Variants in RAB4A observed in about 807,000 individuals in gnomAD.
RAB4A encodes RAB4A, member RAS oncogene family, also known as ras-related protein Rab-4A.
In RAB4A, 20 loss-of-function variants were observed where a neutral mutation model predicts 34.5. That is an observed-to-expected ratio of 0.58 (90% CI 0.41 to 0.84). RAB4A has a LOEUF of 0.84. Ranked by LOEUF, RAB4A falls within the 40% of genes least tolerant of loss-of-function variation. RAB4A has a pLI of 0.00. For synonymous variants in RAB4A, 102 were observed against 100.0 expected, an observed-to-expected ratio of 1.02 and a Z score of -0.12; for missense variants, 228 against 274.5, an observed-to-expected ratio of 0.83 and a Z score of 1.20.
chr1:229,271,758 G>A lies in RAB4A; in HGVS notation c.31+388G>A, dbSNP rs557639274. Reference sequence around the variant, plus strand: ...TATTATCCCCAGCGAGCCTGTGAAGGGCTTAGGGCGACGCCTGTGTTCCTC... The same window carrying A: ...TATTATCCCCAGCGAGCCTGTGAAGAGCTTAGGGCGACGCCTGTGTTCCTC... On this transcript the variant is annotated intron_variant, in intron 1 of 7. Transcript: ENST00000366690. Among the ~76,000 whole-genome samples, 3 of 152,332 alleles carry A rather than the reference G, an allele frequency of 2.0e-5. No homozygotes were observed. The South Asian group carries it at 6.2e-4, about 32-fold the overall frequency.
At chr1:229,292,408 G>A (rs529136676) in intron 3 of RAB4A, among the ~76,000 whole-genome samples, 1 of 152,162 alleles carries the variant, frequency 6.6e-6, no homozygotes, top group African/African-American at 2.4e-5. Flanking sequence ...AGAACTCGTA[G>A]TTCCCTCTTC....
Position 229,271,230 on chromosome 1 carries a change from G to T in RAB4A, c.-110G>T, listed in dbSNP as rs1553299673. 2.7e-6 allele frequency: 3 copies of T among 1,126,210 alleles called. No homozygotes were observed. Among genetic ancestry groups the T allele is most frequent in the African/African-American group, 3.3e-5 (2 of 61,156 alleles). 69.8% of individuals were successfully genotyped at this position (1,126,210 alleles called of 1,614,324 possible). ...GGCGGTTGCCGTGGGGACCGGTCGG[G>T]CCCCTCCCTCCTCCGGTCCCCCGCC... is the stretch of plus-strand genomic sequence containing the variant. On this transcript the variant is annotated 5_prime_UTR_variant, in exon 1 of 8. Coordinates refer to ENST00000366690, the MANE Select transcript of RAB4A (RefSeq NM_004578.4).
chr1:229,297,498 G>A lies in RAB4A; in HGVS notation c.307G>A (p.Ala103Thr), dbSNP rs1324026251. 1 of 1,602,244 alleles carries A rather than the reference G, an allele frequency of 6.2e-7. No homozygotes were observed. The highest frequency in any genetic ancestry group is 1.3e-5 in the African/African-American group (1 of 74,286). Residue 103 changes from alanine to threonine, a missense_variant, in exon 5 of 8, where the codon GCG (alanine) becomes ACG (threonine). Physicochemically the swap from Ala to Thr is moderately conservative, Grantham distance 58. Transcript: ENST00000366690. ...YDITSRETYN[A>T]LTNWLTDARM... ...ATTACGCAGCCGAGAAACCTACAATGCGCTTACTAATTGGTTAACAGATGC... is the reference window on the plus strand; with the variant it reads ...ATTACGCAGCCGAGAAACCTACAATACGCTTACTAATTGGTTAACAGATGC...
chr1:229,304,902 C>G lies in RAB4A; in HGVS notation c.*1109C>G. 3.1e-6 allele frequency: 1 copy of G among 320,684 alleles called. No individual in the cohort carries two copies. Among genetic ancestry groups the G allele is most frequent in the Non-Finnish European group, 5.5e-6 (1 of 180,290 alleles). 19.9% of individuals were successfully genotyped at this position (320,684 alleles called of 1,614,324 possible). ...ATATATTGTATTACAAAGACTTGTT[C>G]TTGTATTTTAAAATGTCAGTGCAAA... is the stretch of plus-strand genomic sequence containing the variant. On this transcript the variant is annotated 3_prime_UTR_variant, in exon 8 of 8. Transcript: ENST00000366690.
At chr1:229,301,328 A>ATTCTT (rs1201962210) in intron 6 of RAB4A, among the ~76,000 whole-genome samples, 1 of 152,058 alleles carries the variant, frequency 6.6e-6, no homozygotes, top group Non-Finnish European at 1.5e-5. Flanking sequence ...GCAGGGAAGA[A>ATTCTT]GGAGGGTGCT....
intron 6 of RAB4A, among the ~76,000 whole-genome samples, chr1:229,301,927 T>C (rs1657394791): frequency 6.6e-6 from 1 of 152,022 alleles, no homozygotes; most frequent in Non-Finnish European, 1.5e-5. Context: ...ATGTGTAATA[T>C]GGGTTGAGTA....
intron 3 of RAB4A, 151 bp from the exon 4 acceptor site, chr1:229,295,697 G>A: frequency 1.4e-6 from 1 of 714,612 alleles, no homozygotes; most frequent in South Asian, 1.8e-5. Flanking sequence ...TCACATGTAT[G>A]TTCAAATATC....
At chr1:229,282,489 A>T (rs537369662) in intron 1 of RAB4A, among the ~76,000 whole-genome samples, 34 of 152,232 alleles carry the variant, frequency 2.2e-4, no homozygotes, top group African/African-American at 8.2e-4. Context: ...CACCAAATTT[A>T]AGTTTTCAGT....
Position 229,271,202 on chromosome 1 carries a change from A to G in RAB4A, c.-138A>G. ...CCGGCTGGGCCGCAGCCGCTGGGAGACCGGCGGTTGCCGTGGGGACCGGTC... is the reference window on the plus strand; with the variant it reads ...CCGGCTGGGCCGCAGCCGCTGGGAGGCCGGCGGTTGCCGTGGGGACCGGTC... On this transcript the variant is annotated 5_prime_UTR_variant, in exon 1 of 8. Coordinates refer to ENST00000366690, the MANE Select transcript of RAB4A (RefSeq NM_004578.4). The G allele has an allele frequency of 3.5e-6, 3 of 847,762 alleles. No individual in the cohort carries two copies. The highest frequency in any genetic ancestry group is 3.6e-5 in the African/African-American group (2 of 55,926). The allele number at this position is 847,762 out of a possible 1,614,324, so 52.5% of individuals were successfully genotyped here. A position where few individuals can be genotyped will look rare whatever the true frequency, so the allele number is the denominator to read the frequency against.
chr1:229,302,257 TTATATATATATATATA>T (rs58013219), intron 6 of RAB4A, among the ~76,000 whole-genome samples: 56 of 44,326 alleles, frequency 1.3e-3, no homozygotes, highest in East Asian at 3.9e-3. Context: ...CAGTAAATAA[TTATATATATATATATA>T]TATATATATA....
chr1:229,289,705 A>G lies in RAB4A; in HGVS notation c.227+862A>G, dbSNP rs1657016069. The stretch of plus-strand genomic sequence containing the variant: ...GTGGCAGGTGCCTGTAATCCCAGCT[A>G]CTCTGGAGGCTGAGGCAGGAAAATC... On this transcript the variant is annotated intron_variant, in intron 3 of 7. Transcript: ENST00000366690. Among the ~76,000 whole-genome samples the G allele has an allele frequency of 2.0e-5, 3 of 152,056 alleles. No individual in the cohort carries two copies. In the South Asian group the frequency reaches 6.2e-4, roughly 32 times the overall value.
intron 3 of RAB4A, among the ~76,000 whole-genome samples, chr1:229,293,306 T>C (rs2102849492): frequency 1.3e-5 from 2 of 152,274 alleles, no homozygotes; most frequent in South Asian, 4.1e-4. Context: ...GATGATTGAC[T>C]CAATCTCCAG....
intron 3 of RAB4A, among the ~76,000 whole-genome samples, chr1:229,290,172 G>A (rs1476963877): frequency 6.6e-6 from 1 of 152,188 alleles, no homozygotes; most frequent in Non-Finnish European, 1.5e-5. Flanking sequence ...GAAGCATCAG[G>A]TTCTACAGGA....
At chr1:229,279,739 A>G (rs1173251578) in intron 1 of RAB4A, among the ~76,000 whole-genome samples, 1 of 152,164 alleles carries the variant, frequency 6.6e-6, no homozygotes, top group African/African-American at 2.4e-5. Flanking sequence ...TTAAAAGTAC[A>G]TTAGTAGGAT....
chr1:229,293,189 A>T (rs1657140155), intron 3 of RAB4A, among the ~76,000 whole-genome samples: 1 of 152,204 alleles, frequency 6.6e-6, no homozygotes, highest in South Asian at 2.1e-4. Context: ...GCCACCTCCC[A>T]GCACCTCCAT....
intron 1 of RAB4A, among the ~76,000 whole-genome samples, chr1:229,279,722 C>T (rs962510531): frequency 6.6e-5 from 10 of 152,070 alleles, no homozygotes; most frequent in African/African-American, 1.2e-4. Context: ...TTTTCTCATA[C>T]GGAAAGTTAA....
intron 1 of RAB4A, among the ~76,000 whole-genome samples, chr1:229,285,633 G>A (rs1656903821): frequency 1.3e-5 from 2 of 152,076 alleles, no homozygotes; most frequent in Non-Finnish European, 2.9e-5. Context: ...AGCAGTGGTG[G>A]GTCAGGAGCA....
chr1:229,278,157 G>T (rs1318882603), intron 1 of RAB4A, among the ~76,000 whole-genome samples: 1 of 152,136 alleles, frequency 6.6e-6, no homozygotes, highest in South Asian at 2.1e-4. Context: ...GATCCACCAT[G>T]CCTGGCCCCT....
At chr1:229,294,508 A>G (rs1006920309) in intron 3 of RAB4A, among the ~76,000 whole-genome samples, 1 of 152,220 alleles carries the variant, frequency 6.6e-6, no homozygotes, top group Non-Finnish European at 1.5e-5. Context: ...TTGGCGGTGA[A>G]GAAGAGGAAG....
Sources: allele counts gnomAD v4.1 joint callset (sites outside exome capture counted in the v4.1 genomes callset), GRCh38; gene constraint gnomAD v4.1.1; transcripts MANE v1.5; gene names NCBI Gene and HGNC (gene_info 2026-07-23, HGNC 2026-07-21).